CSMD3: variants seen among roughly 807,000 people sequenced by gnomAD.
The protein encoded by CSMD3 is CUB and Sushi multiple domains 3.
Under a neutral mutation model 435.2 loss-of-function variants are expected in CSMD3, and 177 were observed. The observed-to-expected ratio is 0.41, with a 90% confidence interval of 0.36 to 0.46. The LOEUF is 0.46. Among genes scored for constraint, CSMD3 ranks in the 20% least tolerant of loss-of-function variants. CSMD3 has a pLI of 0.34. For synonymous variants in CSMD3, 1,656 were observed against 1,520.5 expected, an observed-to-expected ratio of 1.09 and a Z score of -2.07; for missense variants, 4,265 against 4,504.6, an observed-to-expected ratio of 0.95 and a Z score of 1.52.
intron 30 of CSMD3, among the ~76,000 whole-genome samples, chr8:112,499,694 A>T (rs543273923): frequency 6.6e-6 from 1 of 152,312 alleles, no homozygotes; most frequent in Non-Finnish European, 1.5e-5. Context: ...GCAAAGAAAA[A>T]TCATAATGCT....
In CSMD3 at chr8:113,420,928, C is replaced by G. The variant is rs1022652644; in HGVS notation, c.178+15749G>C. On this transcript the variant is annotated intron_variant, in intron 1 of 70. Coordinates refer to ENST00000297405, the MANE Select transcript of CSMD3 (RefSeq NM_198123.2). ...CGCCCCATTGCACTCCAATGAGATT[C>G]CGTTTAAAAAAAAAAAAGAAATGTA... 2.7e-5 allele frequency among the ~76,000 whole-genome samples: 4 copies of G among 150,130 alleles called. 1 individual carries two copies. Among genetic ancestry groups the G allele is most frequent in the Admixed American group, 6.6e-5 (1 of 15,042 alleles).
intron 31 of CSMD3, among the ~76,000 whole-genome samples, chr8:112,472,929 T>C (rs1414491594): frequency 1.3e-5 from 2 of 152,186 alleles, no homozygotes; most frequent in African/African-American, 2.4e-5. Flanking sequence ...AGAAACAAAG[T>C]ATGTAATATA....
At chr8:113,101,062 T>C (rs1404651103) in intron 4 of CSMD3, among the ~76,000 whole-genome samples, 2 of 152,144 alleles carry the variant, frequency 1.3e-5, no homozygotes, top group Non-Finnish European at 2.9e-5. Context: ...CTTATTTTCC[T>C]AACACTAATT....
At chr8:112,403,762 T>C (rs1831531297) in intron 35 of CSMD3, among the ~76,000 whole-genome samples, 1 of 151,746 alleles carries the variant, frequency 6.6e-6, no homozygotes, top group Non-Finnish European at 1.5e-5. Flanking sequence ...GTGTGTGTTG[T>C]TGGGGGGCGG....
At chr8:112,326,917 G>A (rs1008457688) in intron 45 of CSMD3, among the ~76,000 whole-genome samples, 2 of 152,162 alleles carry the variant, frequency 1.3e-5, no homozygotes, top group African/African-American at 2.4e-5. Flanking sequence ...AGCTACTTGG[G>A]AGGCTGAGGC....
intron 27 of CSMD3, chr8:112,539,262 A>T (rs1256245589): frequency 2.6e-5 from 4 of 152,570 alleles, no homozygotes; most frequent in African/African-American, 9.7e-5. Context: ...GCTATCATTA[A>T]TCCGGGTGAT....
chr8:112,406,133 T>G (rs542724296), intron 35 of CSMD3, among the ~76,000 whole-genome samples: 1 of 152,196 alleles, frequency 6.6e-6, no homozygotes, highest in African/African-American at 2.4e-5. Context: ...AAAAATCTCA[T>G]GTACTCCATT....
chr8:112,618,611 A>G (rs1404953687), intron 22 of CSMD3, among the ~76,000 whole-genome samples: 1 of 152,080 alleles, frequency 6.6e-6, no homozygotes, highest in Non-Finnish European at 1.5e-5. Context: ...CTCCAAAAGC[A>G]ACTGTTCAAT....
chr8:112,904,344 C>T (rs966386955), intron 10 of CSMD3, among the ~76,000 whole-genome samples: 1 of 151,414 alleles, frequency 6.6e-6, no homozygotes, highest in African/African-American at 2.4e-5. Context: ...TTTAACCATT[C>T]CACAGTGTAT....
intron 55 of CSMD3, among the ~76,000 whole-genome samples, chr8:112,292,106 T>TA (rs1251721955): frequency 1.3e-5 from 2 of 151,890 alleles, no homozygotes; most frequent in Non-Finnish European, 2.9e-5. Flanking sequence ...TTCTATAGAT[T>TA]AAAAAAATGA....
intron 6 of CSMD3, among the ~76,000 whole-genome samples, chr8:112,984,325 C>A (rs1415371350): frequency 4.0e-5 from 6 of 151,468 alleles, no homozygotes; most frequent in African/African-American, 1.5e-4. Context: ...CTTTTAATAC[C>A]ATCAATAAAC....
chr8:113,038,817 C>T (rs1413617551), intron 5 of CSMD3, among the ~76,000 whole-genome samples: 3 of 152,156 alleles, frequency 2.0e-5, no homozygotes, highest in Non-Finnish European at 2.9e-5. Context: ...ACAAACAGGT[C>T]TCCAAACTTA....
chr8:112,787,913 T>C lies in CSMD3; in HGVS notation c.1972+12249A>G, dbSNP rs555340993. ...ACAGGGTGACTACAGTGAAAAATAA[T>C]TTAATGTACATTTTAAAATAATTAA... On this transcript the variant is annotated intron_variant, in intron 13 of 70. Coordinates refer to ENST00000297405, the MANE Select transcript of CSMD3 (RefSeq NM_198123.2). Among the ~76,000 whole-genome samples the C allele has an allele frequency of 2.0e-5, 3 of 152,204 alleles. No individual in the cohort carries two copies. In the South Asian group the frequency reaches 6.2e-4, roughly 32 times the overall value.
At chr8:113,353,804 T>C (rs183427536) in intron 1 of CSMD3, among the ~76,000 whole-genome samples, 6 of 152,260 alleles carry the variant, frequency 3.9e-5, no homozygotes, top group Admixed American at 6.5e-5. Flanking sequence ...TTTTGTGATT[T>C]TGAATTTTAT....
chr8:112,616,953 T>C (rs1364809639), intron 22 of CSMD3, among the ~76,000 whole-genome samples: 4 of 152,130 alleles, frequency 2.6e-5, no homozygotes, highest in Non-Finnish European at 4.4e-5. Flanking sequence ...GGGAGATGAA[T>C]TGGAAAAGGC....
chr8:112,768,410 A>G (rs750637499), intron 13 of CSMD3, among the ~76,000 whole-genome samples: 49 of 151,894 alleles, frequency 3.2e-4, no homozygotes, highest in Non-Finnish European at 2.2e-4. Flanking sequence ...TATTCCTTCA[A>G]CTTCTTTGAT....
At chr8:113,060,394 T>C (rs1452078720) in intron 5 of CSMD3, among the ~76,000 whole-genome samples, 2 of 151,204 alleles carry the variant, frequency 1.3e-5, no homozygotes, top group East Asian at 2.0e-4. Context: ...CAGTCTATCA[T>C]TGTTGGACAT....
rs575824456 is a variant in CSMD3 at position 112,833,542 on chromosome 8, T to C, written c.1756-3753A>G. 9.2e-5 allele frequency among the ~76,000 whole-genome samples: 14 copies of C among 152,202 alleles called. No individual in the cohort carries two copies. In the South Asian group the frequency reaches 2.7e-3, roughly 29 times the overall value. On this transcript the variant is annotated intron_variant, in intron 11 of 70. Transcript: ENST00000297405. ...TAGCAAGCATGTCTTCTGTAAATAA[T>C]ATTTTAGGTTCTTCCTTTCCAAATT...
chr8:112,798,246 G>A (rs1214730886), intron 13 of CSMD3, among the ~76,000 whole-genome samples: 1 of 151,794 alleles, frequency 6.6e-6, no homozygotes, highest in Non-Finnish European at 1.5e-5. Context: ...CAACTTGCAG[G>A]GTTCAGAGAG....
Sources: gnomAD v4.1 joint callset for allele counts (sites outside exome capture counted in the v4.1 genomes callset) on GRCh38, gnomAD v4.1.1 for gene constraint, MANE v1.5 for transcripts, NCBI Gene and HGNC (gene_info 2026-07-23, HGNC 2026-07-21) for gene names.